The following ANKRD44 variants were observed in gnomAD, a reference collection of about 807,000 sequenced individuals.
ANKRD44 encodes serine/threonine-protein phosphatase 6 regulatory ankyrin repeat subunit B.
In ANKRD44, 35 loss-of-function variants were observed where a neutral mutation model predicts 116.0. The ratio of observed to expected loss-of-function variants is 0.30; its 90% CI spans 0.23 to 0.40. The LOEUF is 0.40. ANKRD44 is among the 10% of genes least tolerant of loss of function. The probability of loss-of-function intolerance (pLI) is 1.00; values close to 1 mark genes in which losing one functional copy is unlikely to be tolerated. For missense variants in ANKRD44, 1,014 were observed against 1,242.6 expected, an observed-to-expected ratio of 0.82 and a Z score of 2.77; for synonymous variants, 435 against 461.8, an observed-to-expected ratio of 0.94 and a Z score of 0.74.
chr2:197,070,704 C>CTGTGTG (rs74281028), intron 16 of ANKRD44, among the ~76,000 whole-genome samples: 3,156 of 151,252 alleles, frequency 0.021, 37 homozygotes, highest in Middle Eastern at 0.037. Flanking sequence ...CTCTCGCTCT[C>CTGTGTG]TGTGTGTGTG....
chr2:197,066,668 C>T (rs1232154591), intron 16 of ANKRD44, among the ~76,000 whole-genome samples: 1 of 152,156 alleles, frequency 6.6e-6, no homozygotes, highest in African/African-American at 2.4e-5. Flanking sequence ...AGAGCCAAAT[C>T]ATGACTGAAC....
At chr2:197,180,312 C>G (rs916673442) in intron 2 of ANKRD44, among the ~76,000 whole-genome samples, 5 of 152,212 alleles carry the variant, frequency 3.3e-5, no homozygotes, top group African/African-American at 9.6e-5. Flanking sequence ...GTTAGGTCAT[C>G]TTTTGGAACC....
intron 1 of ANKRD44, chr2:197,302,404 A>G (rs927836508): frequency 1.6e-4 from 25 of 152,296 alleles, no homozygotes; most frequent in African/African-American, 6.0e-4. Context: ...AGTGAAAAAT[A>G]CAGCCAAAAA....
At chr2:197,080,966 G>A (rs916915503) in intron 15 of ANKRD44, among the ~76,000 whole-genome samples, 2 of 152,182 alleles carry the variant, frequency 1.3e-5, no homozygotes, top group African/African-American at 4.8e-5. Flanking sequence ...CTATGTGCTA[G>A]GCACTGCACT....
intron 20 of ANKRD44, among the ~76,000 whole-genome samples, chr2:197,007,603 C>T (rs1333594994): frequency 6.6e-6 from 1 of 152,136 alleles, no homozygotes; most frequent in African/African-American, 2.4e-5. Flanking sequence ...AAGAGCAAAA[C>T]CTTCCATTAT....
chr2:197,212,052 T>TCA lies in ANKRD44; in HGVS notation c.28-24948_28-24947dup, dbSNP rs375445587. Among the ~76,000 whole-genome samples, 83,371 of 147,804 alleles carry TCA rather than the reference T, an allele frequency of 0.56. 26,700 individuals carry two copies. Among genetic ancestry groups the TCA allele is most frequent in the East Asian group, 0.79 (3,914 of 4,968 alleles). ...CTCTCTCTCTCAGTCTCTCTCTCTC[T>TCA]CACACACACACACACACACACACCC... On this transcript the variant is annotated intron_variant, in intron 1 of 27. Coordinates refer to ENST00000282272, the MANE Select transcript of ANKRD44 (RefSeq NM_001195144.2). The surrounding 1 kb of genome is among the most constrained non-coding windows in gnomAD (Gnocchi z 4.8).
chr2:197,157,005 C>T (rs992425862), intron 2 of ANKRD44, among the ~76,000 whole-genome samples: 33 of 152,222 alleles, frequency 2.2e-4, no homozygotes, highest in East Asian at 1.7e-3. Context: ...GCTTTTGGAG[C>T]ACTGTATATG....
chr2:197,021,791 A>G (rs1038294251), intron 17 of ANKRD44, among the ~76,000 whole-genome samples: 1 of 152,226 alleles, frequency 6.6e-6, no homozygotes, highest in African/African-American at 2.4e-5. Context: ...ACTACGAAAG[A>G]CAACTTTTTA....
chr2:197,280,253 A>G (rs1488647731), intron 1 of ANKRD44, among the ~76,000 whole-genome samples: 1 of 152,214 alleles, frequency 6.6e-6, no homozygotes, highest in Non-Finnish European at 1.5e-5. Context: ...TGAAATTAGC[A>G]TAAAGAAAAA....
Position 196,988,318 on chromosome 2 carries a change from T to G in ANKRD44, c.*1273A>C. 5 of 985,462 alleles carry G rather than the reference T, an allele frequency of 5.1e-6. No homozygotes were observed. Among genetic ancestry groups the G allele is most frequent in the Non-Finnish European group, 6.0e-6 (5 of 829,944 alleles). The allele number at this position is 985,462 out of a possible 1,614,324, so 61.0% of individuals were successfully genotyped here. A position where few individuals can be genotyped will look rare whatever the true frequency, so the allele number is the denominator to read the frequency against. On this transcript the variant is annotated 3_prime_UTR_variant, in exon 28 of 28. Transcript: ENST00000282272. ...TGAACCTCTCTTAATTTTCAGTGTT[T>G]TGGTAAAGATAAGGTCATTATTGCT...
chr2:197,138,868 T>A (rs1233053253), intron 3 of ANKRD44, among the ~76,000 whole-genome samples: 1 of 152,206 alleles, frequency 6.6e-6, no homozygotes, highest in Non-Finnish European at 1.5e-5. Context: ...GTGCTTTAAA[T>A]TTTTTGTAAA....
chr2:197,117,660 C>T (rs185476732), intron 8 of ANKRD44, among the ~76,000 whole-genome samples: 7 of 152,204 alleles, frequency 4.6e-5, no homozygotes, highest in Non-Finnish European at 8.8e-5. Context: ...TGAGCCACCA[C>T]GCCTGGCCTC....
intron 16 of ANKRD44, among the ~76,000 whole-genome samples, chr2:197,036,825 A>G (rs1304856451): frequency 6.6e-6 from 1 of 152,258 alleles, no homozygotes; most frequent in Non-Finnish European, 1.5e-5. Flanking sequence ...AAATGTTCAT[A>G]TACTTTTGAC....
intron 4 of ANKRD44, 38 bp from the exon 5 acceptor site, chr2:197,126,075 ACGTT>A: frequency 6.2e-7 from 1 of 1,605,112 alleles, no homozygotes; most frequent in Non-Finnish European, 8.5e-7. Flanking sequence ...TCACTGACAG[ACGTT>A]CAATCAATAC....
At chr2:197,082,644 G>A (rs190115283) in intron 14 of ANKRD44, among the ~76,000 whole-genome samples, 3 of 152,306 alleles carry the variant, frequency 2.0e-5, no homozygotes, top group East Asian at 1.9e-4. Context: ...TGCTCTACAA[G>A]AGAAGCAATT....
At chr2:197,059,293 A>AT (rs1256740436) in intron 16 of ANKRD44, among the ~76,000 whole-genome samples, 1 of 152,314 alleles carries the variant, frequency 6.6e-6, no homozygotes, top group East Asian at 1.9e-4. Context: ...GAAAAAGTAC[A>AT]TTTTTCTTAC....
chr2:197,226,735 A>G (rs1164455754), intron 1 of ANKRD44, among the ~76,000 whole-genome samples: 4 of 152,174 alleles, frequency 2.6e-5, no homozygotes, highest in Non-Finnish European at 5.9e-5. Flanking sequence ...CAACCACCTC[A>G]TTCCACAGGT....
Position 196,988,469 on chromosome 2 carries a change from A to C in ANKRD44, c.*1122T>G, listed in dbSNP as rs1574222471. 1.0e-6 allele frequency: 1 copy of C among 985,432 alleles called. No individual in the cohort carries two copies. Among genetic ancestry groups the C allele is most frequent in the South Asian group, 4.7e-5 (1 of 21,284 alleles). The allele number at this position is 985,432 out of a possible 1,614,324, so 61.0% of individuals were successfully genotyped here. A position where few individuals can be genotyped will look rare whatever the true frequency, so the allele number is the denominator to read the frequency against. On this transcript the variant is annotated 3_prime_UTR_variant, in exon 28 of 28. Coordinates refer to ENST00000282272, the MANE Select transcript of ANKRD44 (RefSeq NM_001195144.2). ...TGGTGGTGTGGAAAATTTTCAGTGA[A>C]ATCAATACCAGTTCAATAAATCCTT...
chr2:197,097,626 C>T (rs2078191546), intron 10 of ANKRD44, among the ~76,000 whole-genome samples: 1 of 152,198 alleles, frequency 6.6e-6, no homozygotes, highest in Non-Finnish European at 1.5e-5. Context: ...ATCCCTCAGC[C>T]TCATCTTTAG....
Sources: gnomAD v4.1 joint callset for allele counts (sites outside exome capture counted in the v4.1 genomes callset) on GRCh38, gnomAD v4.1.1 for gene constraint, Gnocchi (gnomAD v3.1) non-coding constraint, MANE v1.5 for transcripts, NCBI Gene and HGNC (gene_info 2026-07-23, HGNC 2026-07-21) for gene names.